Variants in LRMDA observed in about 807,000 individuals in gnomAD.
LRMDA encodes leucine-rich melanocyte differentiation-associated protein.
Under a neutral mutation model 29.8 loss-of-function variants are expected in LRMDA, and 18 were observed. The observed-to-expected ratio is 0.60, with a 90% CI of 0.42 to 0.90. The LOEUF is 0.90. LRMDA is among the 40% of genes least tolerant of loss of function. LRMDA has a pLI of 0.00. For missense variants in LRMDA, 273 were observed against 273.9 expected (o/e 1.00, Z 0.02); for synonymous variants, 125 against 109.4 (o/e 1.14, Z -0.89).
chr10:75,780,482 C>CAT (rs1230920665), intron 2 of LRMDA, among the ~76,000 whole-genome samples: 1 of 152,174 alleles, frequency 6.6e-6, no homozygotes, highest in Non-Finnish European at 1.5e-5. Context: ...TTTCAGGAGC[C>CAT]ATCAGGGAGA....
chr10:76,297,626 G>A (rs923916566), intron 5 of LRMDA, among the ~76,000 whole-genome samples: 5 of 152,088 alleles, frequency 3.3e-5, no homozygotes, highest in Admixed American at 1.3e-4. Flanking sequence ...TGTGTCTGGG[G>A]GCCTGTCGTT....
intron 2 of LRMDA, among the ~76,000 whole-genome samples, chr10:75,795,192 G>A (rs570329489): frequency 6.6e-6 from 1 of 152,064 alleles, no homozygotes; most frequent in East Asian, 1.9e-4. Flanking sequence ...TCAGGAGTTC[G>A]AGACCAGCCT....
Position 76,240,763 on chromosome 10 carries a change from GAGATAGATAGATAGAT to G in LRMDA, c.517-83612_517-83597del, listed in dbSNP as rs55944717. On this transcript the variant is annotated intron_variant, in intron 5 of 6. Transcript: ENST00000611255. ...ATCAATGAGTGGATAAAGAAAATGT[GAGATAGATAGATAGAT>G]AGATAGATAGATAGATAGATAGATA... Among the ~76,000 whole-genome samples, 1,021 of 144,014 alleles carry G rather than the reference GAGATAGATAGATAGAT, an allele frequency of 7.1e-3. 28 individuals carry two copies. The East Asian group carries it at 0.071, about 10-fold the overall frequency. The allele number at this position is 144,014 out of a possible 152,430, so 94.5% of individuals were successfully genotyped here.
intron 5 of LRMDA, among the ~76,000 whole-genome samples, chr10:76,295,131 A>C (rs1007189349): frequency 6.6e-6 from 1 of 152,208 alleles, no homozygotes; most frequent in Non-Finnish European, 1.5e-5. Context: ...TGTAAAGGAG[A>C]AACCTAGGAC....
At chr10:76,204,558 G>A (rs560034635) in intron 5 of LRMDA, among the ~76,000 whole-genome samples, 1 of 152,344 alleles carries the variant, frequency 6.6e-6, no homozygotes, top group South Asian at 2.1e-4. Flanking sequence ...AGGAAAGTGA[G>A]GCCACAAGGT....
intron 2 of LRMDA, among the ~76,000 whole-genome samples, chr10:76,012,474 G>C (rs1165583078): frequency 2.6e-5 from 4 of 152,006 alleles, no homozygotes; most frequent in Admixed American, 2.6e-4. Flanking sequence ...GGGGTTGGGG[G>C]GTGCTTTCCT....
intron 6 of LRMDA, among the ~76,000 whole-genome samples, chr10:76,524,830 GCTTCA>G (rs1439515836): frequency 1.3e-5 from 2 of 152,158 alleles, no homozygotes; most frequent in Non-Finnish European, 2.9e-5. Flanking sequence ...GAGAGCAATG[GCTTCA>G]CTTGAACAGA....
intron 5 of LRMDA, among the ~76,000 whole-genome samples, chr10:76,260,051 A>G (rs1037918271): frequency 4.0e-5 from 6 of 151,754 alleles, no homozygotes; most frequent in Non-Finnish European, 8.8e-5. Context: ...TATGTTTTTT[A>G]ATTGGAGAAT....
At chr10:76,025,523 G>A (rs1848048637) in intron 2 of LRMDA, among the ~76,000 whole-genome samples, 1 of 151,896 alleles carries the variant, frequency 6.6e-6, no homozygotes, top group East Asian at 1.9e-4. Context: ...GATGGTAAGA[G>A]CATTGAGAGC....
chr10:76,243,580 G>A (rs1291733419), intron 5 of LRMDA, among the ~76,000 whole-genome samples: 1 of 152,126 alleles, frequency 6.6e-6, no homozygotes, highest in Non-Finnish European at 1.5e-5. Flanking sequence ...AAGGTATAAG[G>A]GGAACTTAAG....
intron 2 of LRMDA, among the ~76,000 whole-genome samples, chr10:75,586,962 A>C (rs1840664499): frequency 6.6e-6 from 1 of 152,144 alleles, no homozygotes; most frequent in Non-Finnish European, 1.5e-5. Context: ...TTTGCTGTGC[A>C]GAAGTGTATT....
intron 2 of LRMDA, among the ~76,000 whole-genome samples, chr10:75,498,050 C>T (rs915858723): frequency 7.2e-5 from 11 of 152,244 alleles, no homozygotes; most frequent in African/African-American, 1.4e-4. Context: ...CTGGTTGCTC[C>T]GTGTCCTCAC....
In LRMDA at chr10:76,227,354, T is replaced by C. The variant is rs183857442; in HGVS notation, c.517-97047T>C. ...GATAATCATCCTAAATCTATTCTTA[T>C]GCAAGAGTCTTAAAGTAGAAAGTTT... On this transcript the variant is annotated intron_variant, in intron 5 of 6. Transcript: ENST00000611255. Among the ~76,000 whole-genome samples the C allele has an allele frequency of 3.8e-3, 575 of 152,322 alleles. 3 individuals are homozygous for C. Among genetic ancestry groups the C allele is most frequent in the Non-Finnish European group, 7.1e-3 (485 of 68,030 alleles).
chr10:76,217,746 G>A (rs553833548), intron 5 of LRMDA, among the ~76,000 whole-genome samples: 128 of 152,328 alleles, frequency 8.4e-4, no homozygotes, highest in Non-Finnish European at 1.6e-3. Context: ...CTCATGTGCT[G>A]TGTGAGATTC....
chr10:75,690,994 T>TAC (rs3041682), intron 2 of LRMDA, among the ~76,000 whole-genome samples: 32,085 of 99,526 alleles, frequency 0.32, 5,571 homozygotes, highest in Non-Finnish European at 0.39. Flanking sequence ...TATATATATA[T>TAC]ACACACACAC....
At chr10:75,941,190 C>T (rs541750978) in intron 2 of LRMDA, among the ~76,000 whole-genome samples, 13 of 152,242 alleles carry the variant, frequency 8.5e-5, no homozygotes, top group Admixed American at 7.2e-4. Flanking sequence ...TTGGAAATGC[C>T]GCCGCCTCCA....
Position 76,264,916 on chromosome 10 carries a change from A to G in LRMDA, c.517-59485A>G, listed in dbSNP as rs1436863595. 2.0e-5 allele frequency among the ~76,000 whole-genome samples: 3 copies of G among 152,334 alleles called. No homozygotes were observed. The East Asian group carries it at 5.8e-4, about 29-fold the overall frequency. ...ACTGTCTGTGATAGTGCAACCTTTCACTGAGGTATCACAGACAGACATTCA... is the reference window on the plus strand; with the variant it reads ...ACTGTCTGTGATAGTGCAACCTTTCGCTGAGGTATCACAGACAGACATTCA... On this transcript the variant is annotated intron_variant, in intron 5 of 6. Transcript: ENST00000611255.
intron 2 of LRMDA, among the ~76,000 whole-genome samples, chr10:75,589,775 T>TAG (rs1478070935): frequency 2.0e-5 from 3 of 150,970 alleles, no homozygotes; most frequent in African/African-American, 7.3e-5. Context: ...AATATATATA[T>TAG]ATAGAGAGAG....
intron 2 of LRMDA, among the ~76,000 whole-genome samples, chr10:75,707,708 C>T (rs573952981): frequency 1.3e-5 from 2 of 152,294 alleles, no homozygotes; most frequent in Admixed American, 6.5e-5. Context: ...GGAAGGCGGA[C>T]AGGGCTGTAA....
Sources: allele counts gnomAD v4.1 joint callset (sites outside exome capture counted in the v4.1 genomes callset), GRCh38; gene constraint gnomAD v4.1.1; transcripts MANE v1.5; gene names NCBI Gene and HGNC (gene_info 2026-07-23, HGNC 2026-07-21).